The following DLGAP1 variants were observed in gnomAD, a reference collection of about 807,000 sequenced individuals.
DLGAP1 encodes the protein DLG associated protein 1, also known as disks large-associated protein 1.
Under a neutral mutation model 90.8 loss-of-function variants are expected in DLGAP1, and 11 were observed. The ratio of observed to expected loss-of-function variants is 0.12; its 90% CI spans 0.08 to 0.20. The LOEUF is 0.20. DLGAP1 is among the 10% of genes least tolerant of loss of function. The pLI is 1.00. For missense variants in DLGAP1, 1,050 were observed against 1,333.8 expected (o/e 0.79, Z 3.31); for synonymous variants, 558 against 540.7 (o/e 1.03, Z -0.44).
At chr18:4,218,904 C>G (rs1330282695) in intron 1 of DLGAP1, among the ~76,000 whole-genome samples, 1 of 151,710 alleles carries the variant, frequency 6.6e-6, no homozygotes, top group Non-Finnish European at 1.5e-5. Flanking sequence ...GATTCACATC[C>G]TAGCTATTGT....
intron 2 of DLGAP1, among the ~76,000 whole-genome samples, chr18:4,071,720 G>A (rs1184640603): frequency 6.6e-6 from 1 of 152,178 alleles, no homozygotes; most frequent in Admixed American, 6.5e-5. Context: ...GGTCCAAAAG[G>A]ATGGGTCTGG....
At chr18:4,154,226 ATT>A (rs555943126) in intron 1 of DLGAP1, among the ~76,000 whole-genome samples, 1,374 of 130,390 alleles carry the variant, frequency 0.011, 23 homozygotes, top group Middle Eastern at 0.047. Context: ...ACACCCGGCT[ATT>A]TTTTTTTTTT....
At chr18:3,616,593 A>AC (rs1438800131) in intron 7 of DLGAP1, among the ~76,000 whole-genome samples, 1 of 141,402 alleles carries the variant, frequency 7.1e-6, no homozygotes, top group African/African-American at 2.8e-5. Flanking sequence ...CCACAAAACA[A>AC]AAAAAAAAAA....
At chr18:3,772,722 T>C (rs2064743516) in intron 5 of DLGAP1, among the ~76,000 whole-genome samples, 1 of 151,908 alleles carries the variant, frequency 6.6e-6, no homozygotes, top group African/African-American at 2.4e-5. Flanking sequence ...CTATTCAAAA[T>C]GTGGTTCTTG....
intron 5 of DLGAP1, among the ~76,000 whole-genome samples, chr18:3,785,304 G>A (rs915778034): frequency 6.6e-6 from 1 of 152,198 alleles, no homozygotes; most frequent in Non-Finnish European, 1.5e-5. Flanking sequence ...TACGGATGCT[G>A]GAGGGGACAG....
Position 3,569,932 on chromosome 18 carries a change from G to C in DLGAP1, c.1966-2351C>G, listed in dbSNP as rs554016650. Among the ~76,000 whole-genome samples the C allele has an allele frequency of 2.0e-5, 3 of 152,110 alleles. No homozygotes were observed. In the East Asian group the frequency reaches 5.9e-4, roughly 30 times the overall value. On this transcript the variant is annotated intron_variant, in intron 8 of 12. Transcript: ENST00000315677. The stretch of plus-strand genomic sequence containing the variant: ...GATTATAATGGAACTGTCCTGTGCA[G>C]AAGTACCATTCTGTATCTTTTGTAC...
At chr18:3,981,940 T>C (rs1390977481) in intron 3 of DLGAP1, among the ~76,000 whole-genome samples, 1 of 152,220 alleles carries the variant, frequency 6.6e-6, no homozygotes, top group Admixed American at 6.5e-5. Context: ...TCTGTAGTTA[T>C]CTTGACTACT....
At chr18:4,211,109 C>T (rs1319731240) in intron 1 of DLGAP1, among the ~76,000 whole-genome samples, 2 of 152,156 alleles carry the variant, frequency 1.3e-5, no homozygotes, top group Non-Finnish European at 2.9e-5. Flanking sequence ...TTCTGAAGCT[C>T]GAGAATGAGA....
chr18:4,349,004 T>C (rs2081355947), intron 1 of DLGAP1, among the ~76,000 whole-genome samples: 1 of 152,134 alleles, frequency 6.6e-6, no homozygotes, highest in Admixed American at 6.5e-5. Flanking sequence ...CAAAAGTTTA[T>C]GAGAAAACAG....
chr18:4,398,384 A>G (rs560628262), intron 1 of DLGAP1, among the ~76,000 whole-genome samples: 2 of 152,324 alleles, frequency 1.3e-5, no homozygotes, highest in South Asian at 4.1e-4. Flanking sequence ...GTGACCTTAG[A>G]AGTTGAAGTC....
intron 2 of DLGAP1, among the ~76,000 whole-genome samples, chr18:4,054,514 T>C (rs1164389373): frequency 6.6e-6 from 1 of 152,160 alleles, no homozygotes; most frequent in African/African-American, 2.4e-5. Context: ...ACAGTACACA[T>C]AGACAGACAA....
At chr18:3,943,886 AG>A (rs1342718785) in intron 3 of DLGAP1, among the ~76,000 whole-genome samples, 16 of 152,204 alleles carry the variant, frequency 1.1e-4, no homozygotes, top group Middle Eastern at 3.2e-3. Flanking sequence ...ACACACAGGG[AG>A]GACCATGTGA....
At position 3,723,941 on chromosome 18, in the gene DLGAP1, C is replaced by T. The variant is rs2062065661; in HGVS notation, c.1591+5194G>A. ...CTGCTTTCCCATGGGGGACACTGTA[C>T]CCTAGGTTCTTACTCCCCTTCCTGA... On this transcript the variant is annotated intron_variant, in intron 7 of 12. Coordinates refer to ENST00000315677, the MANE Select transcript of DLGAP1 (RefSeq NM_004746.4). Among the ~76,000 whole-genome samples the T allele has an allele frequency of 2.0e-5, 3 of 152,250 alleles. No individual in the cohort carries two copies. In the South Asian group the frequency reaches 6.2e-4, roughly 32 times the overall value.
intron 1 of DLGAP1, among the ~76,000 whole-genome samples, chr18:4,300,244 A>G (rs2080090306): frequency 6.6e-6 from 1 of 152,214 alleles, no homozygotes; most frequent in Non-Finnish European, 1.5e-5. Flanking sequence ...GGGTTTTAAT[A>G]CATATTTTGT....
chr18:4,166,452 T>C (rs910610395), intron 1 of DLGAP1, among the ~76,000 whole-genome samples: 32 of 152,134 alleles, frequency 2.1e-4, no homozygotes, highest in Admixed American at 2.0e-3. Flanking sequence ...GCAGCTGCTA[T>C]GGAGGCTGAG....
At chr18:3,537,033 C>CTT (rs71366677) in intron 9 of DLGAP1, among the ~76,000 whole-genome samples, 30 of 150,118 alleles carry the variant, frequency 2.0e-4, no homozygotes, top group African/African-American at 4.4e-4. Flanking sequence ...CCCTGTATGT[C>CTT]TTTTTTTTTT....
intron 3 of DLGAP1, among the ~76,000 whole-genome samples, chr18:3,960,029 C>T (rs1262620062): frequency 6.6e-6 from 1 of 152,146 alleles, no homozygotes; most frequent in Non-Finnish European, 1.5e-5. Context: ...CCTTCACAGA[C>T]CTCAGGAAAA....
At chr18:3,677,682 G>A (rs1435698487) in intron 7 of DLGAP1, among the ~76,000 whole-genome samples, 1 of 151,994 alleles carries the variant, frequency 6.6e-6, no homozygotes, top group African/African-American at 2.4e-5. Context: ...TATTTGAAAC[G>A]GAGTCTCACT....
chr18:3,892,067 C>T (rs1015875713), intron 3 of DLGAP1: 2 of 146,458 alleles, frequency 1.4e-5, no homozygotes, highest in African/African-American at 2.5e-5. Flanking sequence ...TTGAACACAG[C>T]ATGTTCTTAA....
Sources: gnomAD v4.1 joint callset for allele counts (sites outside exome capture counted in the v4.1 genomes callset) on GRCh38, gnomAD v4.1.1 for gene constraint, MANE v1.5 for transcripts, NCBI Gene and HGNC (gene_info 2026-07-23, HGNC 2026-07-21) for gene names.